The following P2RY8 variants were observed in gnomAD, a reference collection of about 807,000 sequenced individuals.
P2RY8 encodes P2Y receptor family member 8.
Under a neutral mutation model 10.0 loss-of-function variants are expected in P2RY8, and 6 were observed. The ratio of observed to expected loss-of-function variants is 0.60; its 90% CI spans 0.33 to 1.19. The LOEUF (loss-of-function observed/expected upper bound fraction) is 1.19, where lower values mean the gene tolerates loss of function less well. P2RY8 is among the 50% of genes most tolerant of loss of function. P2RY8 has a pLI of 0.04. For synonymous variants in P2RY8, 276 were observed against 252.5 expected (o/e 1.09, Z -0.88); for missense variants, 456 against 542.0 (o/e 0.84, Z 1.58).
At chrX:1,521,906 T>C (rs2092394438) in intron 1 of P2RY8, among the ~76,000 whole-genome samples, 1 of 151,514 alleles carries the variant, frequency 6.6e-6, no homozygotes, top group Non-Finnish European at 1.5e-5. Flanking sequence ...TATTGCATGG[T>C]TATTTTTTCT....
Position 1,520,742 on chromosome X carries a change from T to G in P2RY8, c.-25+16179A>C, listed in dbSNP as rs191138339. On this transcript the variant is annotated intron_variant, in intron 1 of 1. Transcript: ENST00000381297. ...TGATTTCTAATATTATCTCTGGTCC[T>G]CAATCATCTTCTTGTCTCCCAATAA... 2.6e-3 allele frequency among the ~76,000 whole-genome samples: 388 copies of G among 151,598 alleles called. 2 individuals are homozygous for G. The highest frequency in any genetic ancestry group is 9.0e-3 in the African/African-American group (373 of 41,302).
intron 1 of P2RY8, among the ~76,000 whole-genome samples, chrX:1,532,347 TG>T (rs1208820001): frequency 7.1e-6 from 1 of 140,288 alleles, no homozygotes; most frequent in Non-Finnish European, 1.6e-5. Flanking sequence ...TATATGTATA[TG>T]ATGTGTATAT....
Position 1,465,899 on chromosome X carries a change from C to G in P2RY8, c.660G>C (p.Leu220=). The change falls in exon 2 of 2, where the codon CTG becomes CTC. Residue 220 remains leucine (L), a synonymous_variant. Transcript: ENST00000381297. Reference sequence around the variant, plus strand: ...GGCCGTGCGCCTCCTCCGTGCGCAACAGCTTGAGGATGGTGGCCGTGTAAC... The same window carrying G: ...GGCCGTGCGCCTCCTCCGTGCGCAAGAGCTTGAGGATGGTGGCCGTGTAAC... ...VACYTATILK[L]LRTEEAHGRE... The G allele has an allele frequency of 6.2e-7, 1 of 1,612,562 alleles. No individual in the cohort carries two copies. Among genetic ancestry groups the G allele is most frequent in the Non-Finnish European group, 8.5e-7 (1 of 1,179,750 alleles).
intron 1 of P2RY8, among the ~76,000 whole-genome samples, chrX:1,517,344 C>T (rs73186934): frequency 0.016 from 2,510 of 152,190 alleles, 31 homozygotes; most frequent in Middle Eastern, 0.027. Context: ...CCTGTCCACA[C>T]CTGATGTCCA....
At chrX:1,503,817 C>T (rs1250024624) in intron 1 of P2RY8, among the ~76,000 whole-genome samples, 4 of 151,888 alleles carry the variant, frequency 2.6e-5, no homozygotes, top group Admixed American at 6.6e-5. Flanking sequence ...ATCACTTGAA[C>T]CCGGGAGGCA....
At chrX:1,484,740 AAAAAAAAAG>A (rs1310857538) in intron 1 of P2RY8, among the ~76,000 whole-genome samples, 3 of 139,088 alleles carry the variant, frequency 2.2e-5, no homozygotes, top group African/African-American at 5.1e-5. Flanking sequence ...AAAAAAAAAA[AAAAAAAAAG>A]AAGAAGAAGA....
chrX:1,522,853 G>A (rs1245811652), intron 1 of P2RY8, among the ~76,000 whole-genome samples: 4 of 151,860 alleles, frequency 2.6e-5, no homozygotes, highest in South Asian at 2.1e-4. Context: ...CGGATCACTC[G>A]AGGTCAAGAG....
intron 1 of P2RY8, among the ~76,000 whole-genome samples, chrX:1,475,239 A>G (rs1369510595): frequency 1.4e-5 from 2 of 139,696 alleles, no homozygotes; most frequent in African/African-American, 5.2e-5. Flanking sequence ...GAGTGGGTGG[A>G]TGGGTAGGTG....
intron 1 of P2RY8, among the ~76,000 whole-genome samples, chrX:1,521,029 CT>C (rs754661094): frequency 9.5e-5 from 8 of 83,930 alleles, no homozygotes; most frequent in East Asian, 4.4e-4. Flanking sequence ...TCTGATTTTT[CT>C]TTTCTTTTTT....
chrX:1,516,216 C>A (rs200106207), intron 1 of P2RY8, among the ~76,000 whole-genome samples: 65 of 144,508 alleles, frequency 4.5e-4, no homozygotes, highest in African/African-American at 1.4e-3. Context: ...AAAACAACAA[C>A]AAAAAAAAAA....
intron 1 of P2RY8, among the ~76,000 whole-genome samples, chrX:1,494,620 T>G (rs1346433766): frequency 6.6e-6 from 1 of 152,196 alleles, no homozygotes; most frequent in African/African-American, 2.4e-5. Context: ...GGGTTAAACT[T>G]AAGGACAGCT....
intron 1 of P2RY8, among the ~76,000 whole-genome samples, chrX:1,524,590 C>T (rs2092421161): frequency 7.0e-6 from 1 of 142,766 alleles, no homozygotes; most frequent in Non-Finnish European, 1.5e-5. Context: ...TCCATCCATC[C>T]ATCCATTCAT....
intron 1 of P2RY8, among the ~76,000 whole-genome samples, chrX:1,520,980 C>T (rs2092385973): frequency 6.6e-6 from 1 of 151,108 alleles, no homozygotes; most frequent in African/African-American, 2.4e-5. Context: ...CCAATCATCT[C>T]CTTGGCCCCC....
chrX:1,508,503 C>T (rs764174558), intron 1 of P2RY8, among the ~76,000 whole-genome samples: 85 of 152,196 alleles, frequency 5.6e-4, no homozygotes, highest in African/African-American at 2.0e-3. Context: ...TGAGAGACTC[C>T]TTATATTGGT....
chrX:1,465,248 C>T lies in P2RY8; in HGVS notation c.*231G>A. On this transcript the variant is annotated 3_prime_UTR_variant, in exon 2 of 2. Transcript: ENST00000381297. ...TGCAGGATAACAAGCACCCTGTGCG[C>T]TGCTGGGCTTTGCTTGTTTCTCTAC... 1.5e-6 allele frequency: 1 copy of T among 655,080 alleles called. No individual in the cohort carries two copies. The highest frequency in any genetic ancestry group is 2.5e-6 in the Non-Finnish European group (1 of 398,040). The allele number at this position is 655,080 out of a possible 1,614,324, so 40.6% of individuals were successfully genotyped here.
At chrX:1,499,973 C>T (rs1159960051) in intron 1 of P2RY8, among the ~76,000 whole-genome samples, 1 of 140,066 alleles carries the variant, frequency 7.1e-6, no homozygotes, top group African/African-American at 2.5e-5. Context: ...ATTCTCCTGC[C>T]TCAGCCTCCC....
At chrX:1,484,724 T>TAAAAAAAAAAAA (rs1171758279) in intron 1 of P2RY8, among the ~76,000 whole-genome samples, 10 of 16,780 alleles carry the variant, frequency 6.0e-4, no homozygotes, top group East Asian at 4.0e-3. Flanking sequence ...CAAAACCCTG[T>TAAAAAAAAAAAA]AAAAAAAAAA....
At chrX:1,512,563 A>AAG (rs1360976337) in intron 1 of P2RY8, among the ~76,000 whole-genome samples, 1 of 151,268 alleles carries the variant, frequency 6.6e-6, no homozygotes, top group African/African-American at 2.4e-5. Context: ...AAAAAAAAAA[A>AAG]AAGAGACATA....
chrX:1,503,097 A>G lies in P2RY8; in HGVS notation c.-25+33824T>C, dbSNP rs768650485. On this transcript the variant is annotated intron_variant, in intron 1 of 1. Coordinates refer to ENST00000381297, the MANE Select transcript of P2RY8 (RefSeq NM_178129.5). Reference sequence around the variant, plus strand: ...AATGACAGGTGCCCTGGTAAAAGACAGAAGAGGAGACGCAGACACAGAGGA... The same window carrying G: ...AATGACAGGTGCCCTGGTAAAAGACGGAAGAGGAGACGCAGACACAGAGGA... Among the ~76,000 whole-genome samples, 5 of 151,526 alleles carry G rather than the reference A, an allele frequency of 3.3e-5. No individual in the cohort carries two copies. The South Asian group carries it at 1.0e-3, about 32-fold the overall frequency.
Sources: allele counts gnomAD v4.1 joint callset (sites outside exome capture counted in the v4.1 genomes callset), GRCh38; gene constraint gnomAD v4.1.1; transcripts MANE v1.5; gene names NCBI Gene and HGNC (gene_info 2026-07-23, HGNC 2026-07-21).